ADAM22: variants seen among roughly 807,000 people sequenced by gnomAD.
ADAM22 encodes the protein disintegrin and metalloproteinase domain-containing protein 22.
ADAM22 carries 65 observed loss-of-function variants against 144.6 expected under a neutral mutation model. That is an observed-to-expected ratio of 0.45 (90% CI 0.37 to 0.55). The LOEUF (loss-of-function observed/expected upper bound fraction) is 0.55. Among genes scored for constraint, ADAM22 ranks in the 20% least tolerant of loss-of-function variants. The pLI is 0.00. For synonymous variants in ADAM22, 391 were observed against 412.6 expected (o/e 0.95, Z 0.63); for missense variants, 974 against 1,184.9 (o/e 0.82, Z 2.61).
At chr7:88,073,580 T>A (rs1325546706) in intron 3 of ADAM22, among the ~76,000 whole-genome samples, 2 of 152,178 alleles carry the variant, frequency 1.3e-5, no homozygotes, top group African/African-American at 4.8e-5. Context: ...TAAATTCCAA[T>A]CCTCAAATCA....
intron 3 of ADAM22, among the ~76,000 whole-genome samples, chr7:88,067,361 G>A (rs1358134526): frequency 6.6e-6 from 1 of 151,286 alleles, no homozygotes; most frequent in Non-Finnish European, 1.5e-5. Flanking sequence ...TCGTCATTCA[G>A]CATTAGGTAT....
At chr7:88,099,173 G>GA (rs1822243505) in intron 4 of ADAM22, among the ~76,000 whole-genome samples, 1 of 152,144 alleles carries the variant, frequency 6.6e-6, no homozygotes, top group Admixed American at 6.6e-5. Context: ...GGGGAAGATG[G>GA]AAAATCCAAG....
intron 3 of ADAM22, among the ~76,000 whole-genome samples, chr7:87,978,983 C>T (rs957644406): frequency 5.9e-5 from 9 of 152,070 alleles, no homozygotes; most frequent in Non-Finnish European, 1.3e-4. Context: ...TGGATTTAAT[C>T]TCTTGCATTT....
intron 7 of ADAM22, among the ~76,000 whole-genome samples, chr7:88,125,338 A>G (rs1039863938): frequency 6.6e-6 from 1 of 152,050 alleles, no homozygotes; most frequent in Non-Finnish European, 1.5e-5. Flanking sequence ...AATGATATTT[A>G]TAAGAGAAAT....
chr7:88,018,597 G>A (rs909843786), intron 3 of ADAM22, among the ~76,000 whole-genome samples: 1 of 152,136 alleles, frequency 6.6e-6, no homozygotes, highest in Non-Finnish European at 1.5e-5. Flanking sequence ...TTCCTTATTT[G>A]CAACATTTGT....
chr7:88,115,144 T>C (rs1827420366), intron 6 of ADAM22, among the ~76,000 whole-genome samples: 1 of 152,150 alleles, frequency 6.6e-6, no homozygotes. Context: ...ACTTGGGAAG[T>C]TAAGGCAGAA....
At chr7:87,957,314 G>T (rs1847013227) in intron 2 of ADAM22, among the ~76,000 whole-genome samples, 1 of 152,154 alleles carries the variant, frequency 6.6e-6, no homozygotes, top group Non-Finnish European at 1.5e-5. Context: ...GAGGGTGCTT[G>T]TAAAACTTTC....
chr7:88,075,559 G>T (rs565487695), intron 3 of ADAM22, 67 bp from the exon 4 acceptor site: 1 of 1,375,284 alleles, frequency 7.3e-7, no homozygotes, highest in Admixed American at 1.7e-5. Context: ...GTGTAAACTA[G>T]ATCCTGATTT....
chr7:88,032,502 A>G (rs553827204), intron 3 of ADAM22, among the ~76,000 whole-genome samples: 1 of 152,312 alleles, frequency 6.6e-6, no homozygotes, highest in African/African-American at 2.4e-5. Context: ...TTACAGGCTC[A>G]TAGGTGGAAA....
intron 3 of ADAM22, among the ~76,000 whole-genome samples, chr7:88,044,705 C>G (rs1359688475): frequency 9.3e-5 from 14 of 150,948 alleles, no homozygotes; most frequent in Admixed American, 6.6e-5. Context: ...CTCGGTCTCC[C>G]AAAGTGCTGG....
chr7:87,985,971 A>T (rs547119967), intron 3 of ADAM22, among the ~76,000 whole-genome samples: 1 of 152,272 alleles, frequency 6.6e-6, no homozygotes, highest in East Asian at 1.9e-4. Context: ...GATGATGTCA[A>T]GTATAAATAG....
chr7:87,968,621 CTGAGGTGGCAGGATCACT>C (rs1849701675), intron 2 of ADAM22, among the ~76,000 whole-genome samples: 1 of 152,080 alleles, frequency 6.6e-6, no homozygotes, highest in East Asian at 1.9e-4. Flanking sequence ...CTCAGAGGGG[CTGAGGTGGCAGGATCACT>C]TGAGCCCAGG....
intron 4 of ADAM22, among the ~76,000 whole-genome samples, chr7:88,087,735 T>C (rs1411753790): frequency 1.3e-5 from 2 of 152,210 alleles, no homozygotes; most frequent in African/African-American, 2.4e-5. Context: ...TAATCATCAG[T>C]GAATGTCTAT....
intron 3 of ADAM22, among the ~76,000 whole-genome samples, chr7:88,061,254 C>T (rs940880864): frequency 1.3e-5 from 2 of 152,196 alleles, no homozygotes; most frequent in African/African-American, 2.4e-5. Context: ...CCTAAACCAT[C>T]CATGATGGTC....
intron 3 of ADAM22, among the ~76,000 whole-genome samples, chr7:88,061,021 T>C (rs1407989312): frequency 1.3e-5 from 2 of 151,876 alleles, no homozygotes; most frequent in East Asian, 1.9e-4. Context: ...GGAGAATCAC[T>C]TGAACCCAGG....
At chr7:88,080,587 T>A (rs1210644276) in intron 4 of ADAM22, among the ~76,000 whole-genome samples, 2 of 150,882 alleles carry the variant, frequency 1.3e-5, no homozygotes, top group African/African-American at 4.9e-5. Context: ...TCAACAAAAT[T>A]GATAGACCGT....
In ADAM22 at chr7:88,065,130, C is replaced by G. The variant is rs62486386; in HGVS notation, c.324-10496C>G. Among the ~76,000 whole-genome samples the G allele has an allele frequency of 3.6e-3, 548 of 152,102 alleles. 3 individuals carry two copies. The highest frequency in any genetic ancestry group is 0.023 in the South Asian group (112 of 4,810). ...CCCAAAACAAAACATTTTTAATGAC[C>G]TATAGTGCCACCACTCAAAGGTGAA... On this transcript the variant is annotated intron_variant, in intron 3 of 31. Coordinates refer to ENST00000413139, the MANE Select transcript of ADAM22 (RefSeq NM_001324418.2).
chr7:88,136,988 T>C (rs1025925763), intron 14 of ADAM22, among the ~76,000 whole-genome samples: 1 of 152,126 alleles, frequency 6.6e-6, no homozygotes, highest in Admixed American at 6.5e-5. Context: ...AATACTGCAT[T>C]TGTGGTTAAA....
chr7:88,155,749 T>C, intron 21 of ADAM22, 138 bp from the exon 22 acceptor site: 2 of 985,004 alleles, frequency 2.0e-6, no homozygotes, highest in Non-Finnish European at 2.9e-6. Context: ...TAATTTGGAC[T>C]TATTTTATTT....
Sources: gnomAD v4.1 joint callset for allele counts (sites outside exome capture counted in the v4.1 genomes callset) on GRCh38, gnomAD v4.1.1 for gene constraint, MANE v1.5 for transcripts, NCBI Gene and HGNC (gene_info 2026-07-23, HGNC 2026-07-21) for gene names.